The following TRMO variants were observed in gnomAD, a reference collection of about 807,000 sequenced individuals.
The protein encoded by TRMO is tRNA (adenine(37)-N6)-methyltransferase.
A neutral mutation model predicts 37.2 loss-of-function variants in TRMO; 30 were observed. The ratio of observed to expected loss-of-function variants is 0.81; its 90% CI spans 0.60 to 1.09. TRMO has a LOEUF of 1.09. Ranked by LOEUF, TRMO falls within the 50% of genes least tolerant of loss-of-function variation. The pLI is 0.00. For missense variants in TRMO, 552 were observed against 549.5 expected (o/e 1.00, Z -0.05); for synonymous variants, 239 against 199.4 (o/e 1.20, Z -1.67).
At chr9:97,919,745 T>C (rs1285046100) in intron 1 of TRMO, among the ~76,000 whole-genome samples, 1 of 152,244 alleles carries the variant, frequency 6.6e-6, no homozygotes, top group Non-Finnish European at 1.5e-5. Context: ...ACATATGATA[T>C]GATAAATATA....
chr9:97,903,418 C>T (rs1825729944), downstream of TRMO, among the ~76,000 whole-genome samples: 1 of 152,200 alleles, frequency 6.6e-6, no homozygotes, highest in Non-Finnish European at 1.5e-5. Context: ...GGCAGCAGAA[C>T]TCATTTCAAA....
chr9:97,913,668 T>C, intron 2 of TRMO, 110 bp from the exon 3 acceptor site: 1 of 705,644 alleles, frequency 1.4e-6, no homozygotes, highest in Non-Finnish European at 2.4e-6. Context: ...TTAACAGAAA[T>C]CATGTTTTAA....
the TRMO span, among the ~76,000 whole-genome samples, chr9:97,896,923 A>G: frequency 6.6e-6 from 1 of 152,276 alleles, no homozygotes; most frequent in African/African-American, 2.4e-5. Flanking sequence ...GTGATTAGAC[A>G]GAAAATTCAT....
intron 1 of TRMO, among the ~76,000 whole-genome samples, 193 bp downstream of exon 1, chr9:97,922,225 G>C (rs572781643): frequency 4.2e-4 from 64 of 152,242 alleles, no homozygotes; most frequent in Non-Finnish European, 6.8e-4. Flanking sequence ...AGCGGAACAA[G>C]CCAGATGACG....
the TRMO span, among the ~76,000 whole-genome samples, chr9:97,898,305 C>A: frequency 6.6e-6 from 1 of 152,066 alleles, no homozygotes; most frequent in African/African-American, 2.4e-5. Context: ...GCTGGAGAGT[C>A]ATTTTATGAC....
At chr9:97,900,203 A>G (rs1185929663), downstream of TRMO, among the ~76,000 whole-genome samples, 1 of 152,226 alleles carries the variant, frequency 6.6e-6, no homozygotes, top group African/African-American at 2.4e-5. Flanking sequence ...ACACAATAAA[A>G]ATATTACCTA....
intron 4 of TRMO, among the ~76,000 whole-genome samples, chr9:97,906,250 A>G (rs569295317): frequency 6.6e-6 from 1 of 152,132 alleles, no homozygotes; most frequent in South Asian, 2.1e-4. Context: ...AAAAATGAGG[A>G]GAGCTCATCA....
Position 97,905,452 on chromosome 9 carries a change from G to A in TRMO, c.1067-460C>T, listed in dbSNP as rs754991086. Among the ~76,000 whole-genome samples, 9 of 152,230 alleles carry A rather than the reference G, an allele frequency of 5.9e-5. No homozygotes were observed. In the East Asian group the frequency reaches 9.6e-4, roughly 16 times the overall value. On this transcript the variant is annotated intron_variant, in intron 4 of 4. Transcript: ENST00000375119. ...CACACCCAGAACACCAGCTACAGGC[G>A]AGAGAGGCTGCACCAGAAAGCTAGT...
At chr9:97,910,659 T>C (rs748578010) in intron 3 of TRMO, 43 bp from the exon 4 acceptor site, 180 of 1,594,842 alleles carry the variant, frequency 1.1e-4, no homozygotes, top group Non-Finnish European at 1.4e-4. Context: ...GTGCAAACAC[T>C]TGGAGAATAC....
intron 1 of TRMO, 52 bp downstream of exon 1, chr9:97,922,366 T>C: frequency 3.1e-6 from 4 of 1,283,294 alleles, no homozygotes; most frequent in Non-Finnish European, 4.4e-6. Context: ...CGAAGTCCGC[T>C]GCCTGGGCCT....
chr9:97,899,633 C>T (rs1041059388), downstream of TRMO, among the ~76,000 whole-genome samples: 3 of 152,026 alleles, frequency 2.0e-5, no homozygotes, highest in Admixed American at 2.0e-4. Flanking sequence ...CGCCTGTAAT[C>T]CCAGCACTTT....
intron 1 of TRMO, among the ~76,000 whole-genome samples, chr9:97,916,693 G>A (rs894655810): frequency 6.7e-6 from 1 of 149,858 alleles, no homozygotes; most frequent in Non-Finnish European, 1.5e-5. Flanking sequence ...AGGGCTATGA[G>A]CGTATTTCTT....
At position 97,918,068 on chromosome 9, in the gene TRMO, T is replaced by C. The variant is rs186172501; in HGVS notation, c.77-1730A>G. 4.5e-3 allele frequency among the ~76,000 whole-genome samples: 680 copies of C among 151,940 alleles called. 1 individual carries two copies. The highest frequency in any genetic ancestry group is 7.4e-3 in the Non-Finnish European group (505 of 67,964). On this transcript the variant is annotated intron_variant, in intron 1 of 4. Coordinates refer to ENST00000375119, the MANE Select transcript of TRMO (RefSeq NM_016481.5). The stretch of plus-strand genomic sequence containing the variant: ...AAATTTAACTTCGTAATTTCTATAA[T>C]ATTTGAAGTTTTTTCAATAATCACA...
downstream of TRMO, among the ~76,000 whole-genome samples, chr9:97,902,749 T>A (rs1206171998): frequency 6.6e-6 from 1 of 152,236 alleles, no homozygotes; most frequent in African/African-American, 2.4e-5. Flanking sequence ...CAAGCCCTGA[T>A]GAAGCTTCAA....
At chr9:97,905,056 C>T (rs940869793) in intron 4 of TRMO, 64 bp from the exon 5 acceptor site, 51 of 1,549,252 alleles carry the variant, frequency 3.3e-5, no homozygotes, top group East Asian at 9.0e-5. Context: ...TTACAACAAA[C>T]TTCAATATGG....
downstream of TRMO, among the ~76,000 whole-genome samples, chr9:97,899,842 ATGAC>A (rs1564100642): frequency 6.6e-6 from 1 of 152,048 alleles, no homozygotes; most frequent in Non-Finnish European, 1.5e-5. Flanking sequence ...GTAGTGAGCT[ATGAC>A]TGAGCCACTG....
At chr9:97,909,769 T>C (rs1404422573) in intron 4 of TRMO, among the ~76,000 whole-genome samples, 191 bp downstream of exon 4, 3 of 152,198 alleles carry the variant, frequency 2.0e-5, no homozygotes, top group African/African-American at 7.2e-5. Flanking sequence ...TGGAACTAAC[T>C]GTGCTGACCA....
chr9:97,900,151 AG>A (rs1831136979), downstream of TRMO, among the ~76,000 whole-genome samples: 1 of 152,250 alleles, frequency 6.6e-6, no homozygotes, highest in African/African-American at 2.4e-5. Flanking sequence ...TAGCCAGGTA[AG>A]CCAGAACAGA....
intron 3 of TRMO, chr9:97,912,446 T>A (rs2131528538): frequency 1.9e-5 from 3 of 157,108 alleles, no homozygotes; most frequent in Middle Eastern, 6.5e-3. Flanking sequence ...TATCCAAGTT[T>A]GTTAGCCATT....
Sources: gnomAD v4.1 joint callset for allele counts (sites outside exome capture counted in the v4.1 genomes callset) on GRCh38, gnomAD v4.1.1 for gene constraint, MANE v1.5 for transcripts, NCBI Gene and HGNC (gene_info 2026-07-23, HGNC 2026-07-21) for gene names.